Variants in PANK2 observed in about 807,000 individuals in gnomAD.
The protein encoded by PANK2 is pantothenate kinase 2.
In PANK2, 36 loss-of-function variants were observed where a neutral mutation model predicts 43.1. That is an observed-to-expected ratio of 0.84 (90% confidence interval 0.64 to 1.10). The LOEUF is 1.10. Among genes scored for constraint, PANK2 ranks in the 50% least tolerant of loss-of-function variants. The pLI is 0.00. For synonymous variants in PANK2, 281 were observed against 238.2 expected, an observed-to-expected ratio of 1.18 and a Z score of -1.66; for missense variants, 576 against 593.3, an observed-to-expected ratio of 0.97 and a Z score of 0.30.
intron 6 of PANK2, chr20:3,921,747 G>A (rs1358214372): frequency 1.3e-5 from 2 of 152,116 alleles, no homozygotes; most frequent in African/African-American, 2.4e-5. Context: ...GTCTTACTCT[G>A]TCAGCCAGGC....
chr20:3,905,608 A>G (rs959876600), intron 1 of PANK2, among the ~76,000 whole-genome samples: 1 of 151,424 alleles, frequency 6.6e-6, no homozygotes, highest in Non-Finnish European at 1.5e-5. Context: ...CGGCCTCCCA[A>G]AGTGCTGGGA....
chr20:3,909,620 C>T (rs760233187), intron 2 of PANK2, among the ~76,000 whole-genome samples: 1 of 152,124 alleles, frequency 6.6e-6, no homozygotes, highest in Non-Finnish European at 1.5e-5. Flanking sequence ...GACGGAGTCT[C>T]GCCCTGTCAC....
At position 3,912,643 on chromosome 20, in the gene PANK2, G is replaced by A; in HGVS notation, c.1082+9G>A. ...TGGGCTGTGGCTTCAAGGTAAGGGG[G>A]CATGTGTGTTCTAAGAAATACAGGC... On this transcript the variant is annotated intron_variant, in intron 4 of 6. Transcript: ENST00000610179. 1 of 1,613,530 alleles carries A rather than the reference G, an allele frequency of 6.2e-7. No homozygotes were observed. Among genetic ancestry groups the A allele is most frequent in the Non-Finnish European group, 8.5e-7 (1 of 1,179,612 alleles).
Position 3,889,539 on chromosome 20 carries a change from G to C in PANK2, c.109G>C (p.Ala37Pro), listed in dbSNP as rs751271799. The C allele has an allele frequency of 7.0e-7, 1 of 1,422,484 alleles. No individual in the cohort carries two copies. 88.1% of individuals were successfully genotyped at this position (1,422,484 alleles called of 1,614,324 possible). A position where few individuals can be genotyped will look rare whatever the true frequency, so the allele number is the denominator to read the frequency against. ...GGCTTCCGCCACCTCCGTCTCGTCGGCTGGGGAGCAGGCGGCCGGGGACCC... is the reference window on the plus strand; with the variant it reads ...GGCTTCCGCCACCTCCGTCTCGTCGCCTGGGGAGCAGGCGGCCGGGGACCC... The change falls in exon 1 of 7, where the codon GCT becomes CCT. Residue 37 changes from alanine (A) to proline (P), a missense_variant. By Grantham distance (27) the Ala-to-Pro change is conservative (BLOSUM62 -1). This residue lies in a region of PANK2 where 544 missense variants were observed against 528.9 expected (regional missense o/e 1.03). Coordinates refer to ENST00000610179, the MANE Select transcript of PANK2 (RefSeq NM_001386393.1).
In PANK2 at chr20:3,889,468, G is replaced by A. The variant is rs1441419864; in HGVS notation, c.38G>A (p.Arg13Gln). 1.3e-6 allele frequency: 2 copies of A among 1,536,070 alleles called. No homozygotes were observed. Among genetic ancestry groups the A allele is most frequent in the South Asian group, 2.4e-5 (2 of 82,966 alleles). Reference sequence around the variant, plus strand: ...CTCGGGCGGCAGCGACTGCTGCTGCGGATGGGAGGGGGCCGGCTCGGCGCG... The same window carrying A: ...CTCGGGCGGCAGCGACTGCTGCTGCAGATGGGAGGGGGCCGGCTCGGCGCG... The change falls in exon 1 of 7, where the codon CGG becomes CAG. Residue 13 changes from arginine to glutamine, a missense_variant. By Grantham distance (43) the Arg-to-Gln change is conservative. Around this residue, in one of 2 missense-constraint regions of PANK2, gnomAD observed 544 missense variants for 528.9 expected, o/e 1.03. Coordinates refer to ENST00000610179, the MANE Select transcript of PANK2 (RefSeq NM_001386393.1).
Position 3,889,733 on chromosome 20 carries a change from G to C in PANK2, c.298+5G>C, listed in dbSNP as rs750150052. The C allele has an allele frequency of 1.3e-5, 21 of 1,595,058 alleles. No homozygotes were observed. Among genetic ancestry groups the C allele is most frequent in the Admixed American group, 6.7e-5 (4 of 59,890 alleles). Reference sequence around the variant, plus strand: ...GCCTGAGGAAAAAGCGGCCGCGTAAGTGTTCCGTGGGGCGCCCTCCCGGCC... The same window carrying C: ...GCCTGAGGAAAAAGCGGCCGCGTAACTGTTCCGTGGGGCGCCCTCCCGGCC... On this transcript the variant is annotated splice_donor_5th_base_variant and intron_variant, in intron 1 of 6. Transcript: ENST00000610179.
intron 2 of PANK2, among the ~76,000 whole-genome samples, chr20:3,909,091 T>A (rs1051466007): frequency 6.6e-6 from 1 of 152,168 alleles, no homozygotes; most frequent in Non-Finnish European, 1.5e-5. Context: ...TCTGCCTTTT[T>A]GTTTTGTTTT....
At chr20:3,922,813 A>G (rs940124361) in intron 6 of PANK2, among the ~76,000 whole-genome samples, 1 of 151,782 alleles carries the variant, frequency 6.6e-6, no homozygotes, top group Non-Finnish European at 1.5e-5. Flanking sequence ...TCTGTGACCC[A>G]CCTCACAACT....
chr20:3,911,020 A>G (rs2090460679), intron 3 of PANK2, among the ~76,000 whole-genome samples, 190 bp downstream of exon 3: 1 of 152,178 alleles, frequency 6.6e-6, no homozygotes, highest in South Asian at 2.1e-4. Context: ...TTCAAGATTT[A>G]TTATCCTAGG....
chr20:3,926,353 G>A lies in PANK2; in HGVS notation c.*3059G>A, dbSNP rs945081921. 3 of 152,330 alleles carry A rather than the reference G, an allele frequency of 2.0e-5. No homozygotes were observed. The highest frequency in any genetic ancestry group is 1.5e-5 in the Non-Finnish European group (1 of 68,164). 9.4% of individuals were successfully genotyped at this position (152,330 alleles called of 1,614,324 possible). ...AGCTGCAAAGAAAACGACTGCTCAG[G>A]GAGAGGCTGGCCAGGGGCCTGTGGC... is the stretch of plus-strand genomic sequence containing the variant. On this transcript the variant is annotated 3_prime_UTR_variant, in exon 7 of 7. Transcript: ENST00000610179.
intron 1 of PANK2, among the ~76,000 whole-genome samples, chr20:3,899,703 C>CTT (rs11469308): frequency 8.9e-4 from 79 of 88,994 alleles, no homozygotes; most frequent in Non-Finnish European, 1.1e-3. Flanking sequence ...ATCAGTTGTA[C>CTT]TTTTTTTTTT....
At chr20:3,914,072 A>G (rs910493065) in intron 4 of PANK2, among the ~76,000 whole-genome samples, 1 of 152,026 alleles carries the variant, frequency 6.6e-6, no homozygotes, top group African/African-American at 2.4e-5. Context: ...TACAGGCGTG[A>G]GCCACTGCGC....
chr20:3,908,428 G>C (rs2090421673), intron 2 of PANK2, 150 bp downstream of exon 2: 8 of 807,078 alleles, frequency 9.9e-6, no homozygotes, highest in Admixed American at 4.8e-5. Context: ...GATAGGAGTT[G>C]GCCATCTAGA....
intron 3 of PANK2, among the ~76,000 whole-genome samples, chr20:3,911,141 A>T (rs185598632): frequency 6.6e-6 from 1 of 152,238 alleles, no homozygotes; most frequent in Non-Finnish European, 1.5e-5. Flanking sequence ...TGTAAGGAGA[A>T]GGCACGGGAA....
chr20:3,916,794 G>A (rs2090566903), intron 4 of PANK2, 133 bp from the exon 5 acceptor site: 9 of 1,330,922 alleles, frequency 6.8e-6, no homozygotes, highest in East Asian at 5.1e-5. Flanking sequence ...ATGCTCCATT[G>A]CAAAATAAAA....
At position 3,908,200 on chromosome 20, in the gene PANK2, T is replaced by G. The variant is rs1269773636; in HGVS notation, c.573T>G (p.Asp191Glu). ...CTGCTTTTATTCAAATGGGCAGAGA[T>G]AAAAACTTCTCGAGTCTCCACACTG... Residue 191 changes from aspartate to glutamate, a missense_variant, in exon 2 of 7, where the codon GAT becomes GAG. Around this residue, in one of 2 missense-constraint regions of PANK2, gnomAD observed 544 missense variants for 528.9 expected, o/e 1.03. Coordinates refer to ENST00000610179, the MANE Select transcript of PANK2 (RefSeq NM_001386393.1). 5 of 1,613,908 alleles carry G rather than the reference T, an allele frequency of 3.1e-6. No homozygotes were observed. The highest frequency in any genetic ancestry group is 2.7e-5 in the African/African-American group (2 of 74,940).
In PANK2 at chr20:3,923,350, A is replaced by AT. The variant is rs143725982; in HGVS notation, c.*63dup. 13,396 of 1,567,424 alleles carry AT rather than the reference A, an allele frequency of 8.5e-3. 132 individuals are homozygous for AT. Among genetic ancestry groups the AT allele is most frequent in the African/African-American group, 0.04 (2,964 of 73,904 alleles). ...TCCACAATGGGATCTGTGGACTTTC[A>AT]TTTTTTTAAGAGACTTACTCAATTT... On this transcript the variant is annotated 3_prime_UTR_variant, in exon 7 of 7. Transcript: ENST00000610179.
At chr20:3,898,300 A>C (rs1025475116) in intron 1 of PANK2, among the ~76,000 whole-genome samples, 1 of 152,030 alleles carries the variant, frequency 6.6e-6, no homozygotes, top group African/African-American at 2.4e-5. Context: ...CCCGGGTTCA[A>C]GCAATTCTCC....
At chr20:3,916,857 G>A in intron 4 of PANK2, 70 bp from the exon 5 acceptor site, 1 of 1,600,050 alleles carries the variant, frequency 6.2e-7, no homozygotes, top group Non-Finnish European at 8.5e-7. Flanking sequence ...TTTCAATAAA[G>A]TAACATTCAA....
Sources: gnomAD v4.1 joint callset for allele counts (sites outside exome capture counted in the v4.1 genomes callset) on GRCh38, gnomAD v4.1.1 for gene constraint, gnomAD v4.1.1 regional missense constraint, MANE v1.5 for transcripts, NCBI Gene and HGNC (gene_info 2026-07-23, HGNC 2026-07-21) for gene names.